Variants in STXBP4 observed in about 807,000 individuals in gnomAD.
STXBP4 encodes syntaxin binding protein 4.
Under a neutral mutation model 76.1 loss-of-function variants are expected in STXBP4, and 55 were observed. That is an observed-to-expected ratio of 0.72 (90% CI 0.58 to 0.91). STXBP4 has a LOEUF of 0.91. STXBP4 is among the 40% of genes least tolerant of loss of function. The probability of loss-of-function intolerance (pLI) is 0.00; values close to 1 mark genes in which losing one functional copy is unlikely to be tolerated. For missense variants in STXBP4, 618 were observed against 636.9 expected, an observed-to-expected ratio of 0.97 and a Z score of 0.32; for synonymous variants, 201 against 220.2, an observed-to-expected ratio of 0.91 and a Z score of 0.77.
intron 7 of STXBP4, among the ~76,000 whole-genome samples, chr17:55,001,595 G>C (rs1281474524): frequency 2.0e-5 from 3 of 152,078 alleles, no homozygotes; most frequent in Non-Finnish European, 2.9e-5. Flanking sequence ...ATTTTTACCT[G>C]TATATTTTAA....
chr17:55,152,625 T>C (rs1161684601), intron 17 of STXBP4, among the ~76,000 whole-genome samples: 2 of 152,086 alleles, frequency 1.3e-5, no homozygotes, highest in African/African-American at 4.8e-5. Flanking sequence ...CCAGAGGAAA[T>C]GCCAGACGCT....
At chr17:55,051,063 AAGG>A (rs759033749) in intron 12 of STXBP4, among the ~76,000 whole-genome samples, 3 of 152,196 alleles carry the variant, frequency 2.0e-5, no homozygotes, top group Non-Finnish European at 2.9e-5. Flanking sequence ...AAAGAAATCA[AAGG>A]AGGGATAAAC....
intron 16 of STXBP4, among the ~76,000 whole-genome samples, chr17:55,124,217 C>A (rs887233444): frequency 5.9e-5 from 9 of 152,108 alleles, no homozygotes; most frequent in African/African-American, 2.2e-4. Flanking sequence ...AATGATAAGA[C>A]AGGCTGTGAG....
the STXBP4 span, among the ~76,000 whole-genome samples, chr17:55,195,253 G>A: frequency 2.0e-5 from 3 of 152,146 alleles, no homozygotes; most frequent in Non-Finnish European, 4.4e-5. Flanking sequence ...GAGATCTTAT[G>A]AAGTTCAGTC....
At chr17:55,207,350 C>T in the STXBP4 span, among the ~76,000 whole-genome samples, 29 of 152,256 alleles carry the variant, frequency 1.9e-4, no homozygotes, top group Non-Finnish European at 3.5e-4. Context: ...TATAACCCTC[C>T]AGTCTCAGTC....
chr17:55,204,072 G>T, the STXBP4 span, among the ~76,000 whole-genome samples: 1 of 150,776 alleles, frequency 6.6e-6, no homozygotes, highest in African/African-American at 2.4e-5. Context: ...CTTTTTTTTG[G>T]ACTTCAGCTG....
intron 1 of STXBP4, among the ~76,000 whole-genome samples, chr17:54,973,353 A>G (rs997349835): frequency 2.6e-5 from 4 of 152,232 alleles, no homozygotes; most frequent in African/African-American, 7.2e-5. Context: ...TTTCTATATT[A>G]GGAAATATTT....
At chr17:55,120,472 A>G (rs755727131) in intron 16 of STXBP4, among the ~76,000 whole-genome samples, 7 of 152,224 alleles carry the variant, frequency 4.6e-5, no homozygotes, top group Non-Finnish European at 7.3e-5. Flanking sequence ...TGATTATTAT[A>G]TCTAGCATCA....
At chr17:55,043,149 C>A (rs2078731329) in intron 10 of STXBP4, 87 bp from the exon 11 acceptor site, 2 of 577,760 alleles carry the variant, frequency 3.5e-6, no homozygotes. Flanking sequence ...ATACAGAAGC[C>A]TAAGATTAGT....
chr17:55,027,519 A>T (rs540186107), intron 8 of STXBP4, among the ~76,000 whole-genome samples: 2 of 152,168 alleles, frequency 1.3e-5, no homozygotes, highest in Admixed American at 6.5e-5. Context: ...CATTAATACA[A>T]TTCATCTATG....
chr17:55,094,810 C>T (rs1280257294), intron 16 of STXBP4, among the ~76,000 whole-genome samples: 1 of 152,150 alleles, frequency 6.6e-6, no homozygotes, highest in East Asian at 1.9e-4. Context: ...TATTGGTACA[C>T]AGGAAGCAAA....
intron 8 of STXBP4, among the ~76,000 whole-genome samples, chr17:55,022,647 A>G (rs1196386700): frequency 3.3e-5 from 5 of 152,178 alleles, no homozygotes; most frequent in Non-Finnish European, 7.4e-5. Flanking sequence ...GTCACGGAAG[A>G]GCTGTCTGAG....
chr17:55,183,439 A>G, the STXBP4 span, among the ~76,000 whole-genome samples: 2 of 152,184 alleles, frequency 1.3e-5, no homozygotes, highest in South Asian at 4.1e-4. Context: ...TAAATAATAA[A>G]TAAGAAGACA....
intron 4 of STXBP4, chr17:54,991,622 T>TTTAG (rs1312813364): frequency 6.6e-6 from 1 of 151,892 alleles, no homozygotes; most frequent in East Asian, 1.9e-4. Flanking sequence ...TGTTTCTGTT[T>TTTAG]TACTAAAGTG....
intron 12 of STXBP4, among the ~76,000 whole-genome samples, chr17:55,054,491 C>CAAAACA (rs1032864107): frequency 3.3e-5 from 5 of 151,994 alleles, no homozygotes; most frequent in African/African-American, 1.2e-4. Flanking sequence ...ATCTCAAAAA[C>CAAAACA]AAAACAAAAA....
intron 16 of STXBP4, among the ~76,000 whole-genome samples, chr17:55,126,081 A>G (rs1029324624): frequency 2.0e-5 from 3 of 152,212 alleles, no homozygotes; most frequent in African/African-American, 7.2e-5. Flanking sequence ...CTTGAGTCCA[A>G]CCAACTAAAT....
chr17:55,026,490 C>A (rs1158184785), intron 8 of STXBP4, among the ~76,000 whole-genome samples: 1 of 152,042 alleles, frequency 6.6e-6, no homozygotes, highest in Non-Finnish European at 1.5e-5. Context: ...ACCCCGAAAC[C>A]CTTTGAAAGA....
At chr17:55,050,112 C>G (rs760101020) in intron 12 of STXBP4, among the ~76,000 whole-genome samples, 5 of 152,008 alleles carry the variant, frequency 3.3e-5, no homozygotes, top group African/African-American at 1.2e-4. Context: ...AAAAATAAAA[C>G]TGTCTTTTTT....
intron 13 of STXBP4, among the ~76,000 whole-genome samples, chr17:55,075,439 T>C (rs1328215300): frequency 6.6e-6 from 1 of 152,176 alleles, no homozygotes; most frequent in Non-Finnish European, 1.5e-5. Flanking sequence ...CTGCATTTGA[T>C]GGACAGTCCA....
Sources: gnomAD v4.1 joint callset for allele counts (sites outside exome capture counted in the v4.1 genomes callset) on GRCh38, gnomAD v4.1.1 for gene constraint, MANE v1.5 for transcripts, NCBI Gene and HGNC (gene_info 2026-07-23, HGNC 2026-07-21) for gene names.